TMEM163: variants seen among roughly 807,000 people sequenced by gnomAD.
TMEM163 encodes transmembrane protein 163.
TMEM163 carries 17 observed loss-of-function variants against 29.3 expected under a neutral mutation model. The ratio of observed to expected loss-of-function variants is 0.58; its 90% CI spans 0.40 to 0.87. The LOEUF (loss-of-function observed/expected upper bound fraction) is 0.87, where lower values mean the gene tolerates loss of function less well. Among genes scored for constraint, TMEM163 ranks in the 40% least tolerant of loss-of-function variants. The pLI, the probability that TMEM163 is intolerant of heterozygous loss-of-function variation, is 0.00. For synonymous variants in TMEM163, 157 were observed against 160.6 expected, an observed-to-expected ratio of 0.98 and a Z score of 0.17; for missense variants, 303 against 381.5, an observed-to-expected ratio of 0.79 and a Z score of 1.71.
chr2:134,554,065 C>A (rs189622928), intron 2 of TMEM163, among the ~76,000 whole-genome samples: 9 of 152,228 alleles, frequency 5.9e-5, no homozygotes, highest in Admixed American at 6.5e-5. Context: ...TGGGTTTCTT[C>A]TTTATCAGCA....
intron 2 of TMEM163, among the ~76,000 whole-genome samples, chr2:134,574,316 T>C (rs1466861104): frequency 6.6e-6 from 1 of 152,130 alleles, no homozygotes; most frequent in East Asian, 1.9e-4. Context: ...TCCCAGCACT[T>C]TGGGAGGCTG....
chr2:134,570,268 T>A (rs1157059223), intron 2 of TMEM163, among the ~76,000 whole-genome samples: 4 of 152,178 alleles, frequency 2.6e-5, no homozygotes, highest in Non-Finnish European at 5.9e-5. Context: ...GGTTTGTTGT[T>A]GCATCTCAAA....
intron 2 of TMEM163, among the ~76,000 whole-genome samples, chr2:134,629,342 G>A (rs1035558772): frequency 2.6e-5 from 4 of 152,112 alleles, no homozygotes; most frequent in Admixed American, 6.5e-5. Context: ...TATATTAATC[G>A]TTTCTTCTCA....
chr2:134,508,807 T>G (rs1451322895), intron 4 of TMEM163, among the ~76,000 whole-genome samples: 1 of 126,776 alleles, frequency 7.9e-6, no homozygotes, highest in Non-Finnish European at 1.7e-5. Context: ...ATCTCTCTCC[T>G]CTATCTTCAT....
intron 4 of TMEM163, among the ~76,000 whole-genome samples, chr2:134,539,333 G>A (rs979064678): frequency 6.6e-6 from 1 of 152,168 alleles, no homozygotes. Flanking sequence ...AATTCCATTC[G>A]ATGCAATTTC....
At chr2:134,605,184 A>G (rs1682325274) in intron 2 of TMEM163, among the ~76,000 whole-genome samples, 1 of 151,610 alleles carries the variant, frequency 6.6e-6, no homozygotes, top group Non-Finnish European at 1.5e-5. Flanking sequence ...CTCCAGCAAA[A>G]AAAAAAAAAA....
intron 4 of TMEM163, among the ~76,000 whole-genome samples, chr2:134,513,230 G>A (rs1244639016): frequency 6.6e-6 from 1 of 152,224 alleles, no homozygotes; most frequent in African/African-American, 2.4e-5. Flanking sequence ...AGGAGAAGCA[G>A]GTCTGGGGGC....
At chr2:134,481,066 T>C (rs1413715338) in intron 5 of TMEM163, among the ~76,000 whole-genome samples, 1 of 152,184 alleles carries the variant, frequency 6.6e-6, no homozygotes, top group Non-Finnish European at 1.5e-5. Flanking sequence ...GGATTTTATA[T>C]AAGTGGAATC....
At chr2:134,585,150 A>G (rs567101454) in intron 2 of TMEM163, among the ~76,000 whole-genome samples, 1 of 152,336 alleles carries the variant, frequency 6.6e-6, no homozygotes, top group East Asian at 1.9e-4. Flanking sequence ...AGGGACAGAA[A>G]GAGATGGCAA....
At chr2:134,590,431 C>T (rs1681912604) in intron 2 of TMEM163, among the ~76,000 whole-genome samples, 1 of 152,110 alleles carries the variant, frequency 6.6e-6, no homozygotes, top group African/African-American at 2.4e-5. Context: ...TGTTACTGAC[C>T]CCATCACTTA....
chr2:134,715,298 C>A (rs1309912391), intron 1 of TMEM163, among the ~76,000 whole-genome samples: 1 of 152,134 alleles, frequency 6.6e-6, no homozygotes, highest in Admixed American at 6.5e-5. Context: ...ACATGCTTCA[C>A]CCACCAGTGA....
At chr2:134,674,106 A>G (rs1391074053) in intron 2 of TMEM163, among the ~76,000 whole-genome samples, 1 of 152,180 alleles carries the variant, frequency 6.6e-6, no homozygotes, top group Non-Finnish European at 1.5e-5. Flanking sequence ...CTATTGGTCT[A>G]TTCCTCATTT....
In TMEM163 at chr2:134,651,617, C is replaced by G. The variant is rs1035755363; in HGVS notation, c.322+61583G>C. Among the ~76,000 whole-genome samples, 40 of 118,986 alleles carry G rather than the reference C, an allele frequency of 3.4e-4. 1 individual carries two copies. The highest frequency in any genetic ancestry group is 5.1e-4 in the Admixed American group (6 of 11,770). The allele number at this position is 118,986 out of a possible 152,430, so 78.1% of individuals were successfully genotyped here. ...TGGTGTTTTGGACATGAAGTCCTTG[C>G]CCATGCCTATGTCCTGAATGGTAAT... On this transcript the variant is annotated intron_variant, in intron 2 of 7. Transcript: ENST00000281924.
rs567016981 is a variant in TMEM163 at position 134,668,780 on chromosome 2, C to CA, written c.322+44419dup. ...CTCTAAGAACCGAGTCACACACACA[C>CA]AAAAAAAATCTACGAAGGGGACTAA... On this transcript the variant is annotated intron_variant, in intron 2 of 7. Transcript: ENST00000281924. Among the ~76,000 whole-genome samples, 497 of 151,870 alleles carry CA rather than the reference C, an allele frequency of 3.3e-3. 3 individuals carry two copies. Among genetic ancestry groups the CA allele is most frequent in the African/African-American group, 9.8e-3 (404 of 41,424 alleles).
rs78557082 is a variant in TMEM163, at chr2:134,659,556, T to C, written c.322+53644A>G. Reference sequence around the variant, plus strand: ...TACCATCTCCTGCTGGCACGTTAGCTTCCCCACTCCACACATATTCACCAA... The same window carrying C: ...TACCATCTCCTGCTGGCACGTTAGCCTCCCCACTCCACACATATTCACCAA... On this transcript the variant is annotated intron_variant, in intron 2 of 7. Transcript: ENST00000281924. Among the ~76,000 whole-genome samples, 760 of 152,318 alleles carry C rather than the reference T, an allele frequency of 5.0e-3. 9 individuals are homozygous for C. The highest frequency in any genetic ancestry group is 0.017 in the African/African-American group (727 of 41,576).
rs569833172 is a variant in TMEM163 at position 134,573,131 on chromosome 2, C to T, written c.323-21040G>A. Reference sequence around the variant, plus strand: ...GGCTTATTTACATGGCCCAAGGAAACAGAGATTCAGTCTTCCCCACATGTT... The same window carrying T: ...GGCTTATTTACATGGCCCAAGGAAATAGAGATTCAGTCTTCCCCACATGTT... On this transcript the variant is annotated intron_variant, in intron 2 of 7. Transcript: ENST00000281924. Among the ~76,000 whole-genome samples, 5 of 152,264 alleles carry T rather than the reference C, an allele frequency of 3.3e-5. No individual in the cohort carries two copies. The South Asian group carries it at 6.2e-4, about 19-fold the overall frequency.
intron 4 of TMEM163, among the ~76,000 whole-genome samples, chr2:134,514,975 A>G (rs1008486623): frequency 3.3e-5 from 5 of 152,242 alleles, no homozygotes; most frequent in Non-Finnish European, 5.9e-5. Context: ...GAAATGATTA[A>G]GAAATGCAAG....
intron 4 of TMEM163, among the ~76,000 whole-genome samples, chr2:134,544,997 G>A (rs905447053): frequency 2.6e-5 from 4 of 152,098 alleles, no homozygotes; most frequent in Non-Finnish European, 5.9e-5. Flanking sequence ...TCCTGGAGGG[G>A]AGGCGACCCT....
intron 2 of TMEM163, among the ~76,000 whole-genome samples, chr2:134,605,724 G>C (rs144405578): frequency 6.6e-6 from 1 of 151,818 alleles, no homozygotes; most frequent in Non-Finnish European, 1.5e-5. Flanking sequence ...GAGGAGGGGA[G>C]GGGAGGGGAG....
Sources: allele counts gnomAD v4.1 joint callset (sites outside exome capture counted in the v4.1 genomes callset), GRCh38; gene constraint gnomAD v4.1.1; transcripts MANE v1.5; gene names NCBI Gene and HGNC (gene_info 2026-07-23, HGNC 2026-07-21).